Variants in EPHA6 observed in about 807,000 individuals in gnomAD.
EPHA6 encodes EPH receptor A6, also known as ephrin type-A receptor 6.
Under a neutral mutation model 112.0 loss-of-function variants are expected in EPHA6, and 50 were observed. That is an observed-to-expected ratio of 0.45 (90% CI 0.36 to 0.56). The LOEUF is 0.56. Among genes scored for constraint, EPHA6 ranks in the 20% least tolerant of loss-of-function variants. EPHA6 has a pLI of 0.00. For missense variants in EPHA6, 1,280 were observed against 1,417.4 expected (o/e 0.90, Z 1.56); for synonymous variants, 529 against 490.7 (o/e 1.08, Z -1.03).
chr3:97,277,088 A>G (rs770513890), intron 5 of EPHA6, among the ~76,000 whole-genome samples: 37 of 151,962 alleles, frequency 2.4e-4, no homozygotes, highest in Admixed American at 6.6e-5. Context: ...AGGAAGAAAG[A>G]CTCAGTGACG....
intron 7 of EPHA6, among the ~76,000 whole-genome samples, chr3:97,451,648 T>C (rs928214988): frequency 3.3e-5 from 5 of 151,292 alleles, no homozygotes; most frequent in Non-Finnish European, 7.4e-5. Flanking sequence ...GCCTGCTGTT[T>C]ATACCCAGGA....
At chr3:97,496,796 T>G (rs2091989472) in intron 10 of EPHA6, among the ~76,000 whole-genome samples, 2 of 151,592 alleles carry the variant, frequency 1.3e-5, no homozygotes, top group African/African-American at 2.4e-5. Context: ...ATTACCTAAG[T>G]GCATTGATGC....
intron 3 of EPHA6, among the ~76,000 whole-genome samples, chr3:97,051,229 A>G (rs2045676113): frequency 6.6e-6 from 1 of 152,196 alleles, no homozygotes; most frequent in Non-Finnish European, 1.5e-5. Flanking sequence ...CATCTTGTAA[A>G]CAACCACTGG....
At chr3:97,502,451 G>A (rs903760620) in intron 10 of EPHA6, among the ~76,000 whole-genome samples, 1 of 151,734 alleles carries the variant, frequency 6.6e-6, no homozygotes, top group African/African-American at 2.4e-5. Flanking sequence ...TTATACATGT[G>A]AGCCACCGTG....
intron 11 of EPHA6, among the ~76,000 whole-genome samples, chr3:97,566,602 T>G (rs1035711470): frequency 6.6e-6 from 1 of 152,164 alleles, no homozygotes; most frequent in Non-Finnish European, 1.5e-5. Context: ...GCTCTGTTAG[T>G]GAGAAATGTT....
At chr3:97,698,986 T>C (rs1267988613) in intron 14 of EPHA6, among the ~76,000 whole-genome samples, 1 of 152,206 alleles carries the variant, frequency 6.6e-6, no homozygotes, top group African/African-American at 2.4e-5. Flanking sequence ...GGCCCAGTGT[T>C]ACACAACCAG....
At chr3:97,436,257 A>C (rs1268638444) in intron 6 of EPHA6, among the ~76,000 whole-genome samples, 1 of 152,140 alleles carries the variant, frequency 6.6e-6, no homozygotes, top group African/African-American at 2.4e-5. Flanking sequence ...AGAATGTTAA[A>C]ATCTTTATTT....
chr3:97,290,691 A>G (rs1447939129), intron 5 of EPHA6, among the ~76,000 whole-genome samples: 1 of 151,786 alleles, frequency 6.6e-6, no homozygotes, highest in Non-Finnish European at 1.5e-5. Context: ...ACAGTCTTTG[A>G]TGATCTTTTG....
In EPHA6 at chr3:96,866,838, TACA is replaced by T. The variant is rs1354440379; in HGVS notation, c.405_407del (p.Thr136del). 2.0e-6 allele frequency: 3 copies of T among 1,481,166 alleles called. No individual in the cohort carries two copies. The highest frequency in any genetic ancestry group is 2.7e-6 in the Non-Finnish European group (3 of 1,112,908). The allele number at this position is 1,481,166 out of a possible 1,614,324, so 91.8% of individuals were successfully genotyped here. On this transcript the variant is annotated inframe_deletion, in exon 2 of 18. Coordinates refer to ENST00000389672, the MANE Select transcript of EPHA6 (RefSeq NM_001080448.3). Reference sequence around the variant, plus strand: ...ATTTAATTCCAGTTGTGTTGCTTGATACAACAACTGTACTGGGAGAGCTAGGAT... The same window carrying T: ...ATTTAATTCCAGTTGTGTTGCTTGATACAACTGTACTGGGAGAGCTAGGAT...
At chr3:97,014,716 G>C (rs796279210) in intron 3 of EPHA6, among the ~76,000 whole-genome samples, 4 of 152,140 alleles carry the variant, frequency 2.6e-5, no homozygotes, top group African/African-American at 9.7e-5. Flanking sequence ...AGCATTGCAC[G>C]TGGAATGTTT....
At chr3:97,608,834 GC>G (rs1399975185) in intron 12 of EPHA6, among the ~76,000 whole-genome samples, 1 of 151,294 alleles carries the variant, frequency 6.6e-6, no homozygotes, top group Non-Finnish European at 1.5e-5. Context: ...GAGACTTGGA[GC>G]TTTTATCTAT....
chr3:97,670,085 T>C (rs2030651767), intron 14 of EPHA6, among the ~76,000 whole-genome samples: 1 of 152,156 alleles, frequency 6.6e-6, no homozygotes, highest in Non-Finnish European at 1.5e-5. Flanking sequence ...ATTTCTTCTA[T>C]AGATAATGAA....
At chr3:97,129,533 C>A (rs9861192) in intron 3 of EPHA6, among the ~76,000 whole-genome samples, 16,441 of 150,404 alleles carry the variant, frequency 0.11, 1,271 homozygotes, top group African/African-American at 0.21. Flanking sequence ...AAAAAAACAA[C>A]AAAAAAAAGT....
chr3:97,607,050 A>T (rs1406803670), intron 12 of EPHA6, among the ~76,000 whole-genome samples: 2 of 150,960 alleles, frequency 1.3e-5, no homozygotes, highest in East Asian at 3.9e-4. Context: ...ATTTGTTTTG[A>T]TTCTTCATTT....
At chr3:97,441,151 G>A (rs2107278701) in intron 6 of EPHA6, among the ~76,000 whole-genome samples, 1 of 151,998 alleles carries the variant, frequency 6.6e-6, no homozygotes. Flanking sequence ...TCGTGAGATT[G>A]AAAAAGAAAA....
At chr3:96,904,229 T>C (rs1161532252) in intron 2 of EPHA6, among the ~76,000 whole-genome samples, 1 of 151,950 alleles carries the variant, frequency 6.6e-6, no homozygotes, top group East Asian at 1.9e-4. Context: ...AATGATAGAC[T>C]GGATTAAGAA....
intron 3 of EPHA6, among the ~76,000 whole-genome samples, chr3:97,171,918 G>C (rs2076713479): frequency 1.3e-5 from 2 of 152,088 alleles, no homozygotes; most frequent in South Asian, 4.2e-4. Flanking sequence ...GAACAATAAG[G>C]CTATACTATC....
At chr3:96,939,615 C>G (rs1317728699) in intron 2 of EPHA6, among the ~76,000 whole-genome samples, 1 of 152,118 alleles carries the variant, frequency 6.6e-6, no homozygotes, top group Non-Finnish European at 1.5e-5. Context: ...CAGTTCTGCT[C>G]TGATGTTAGT....
At chr3:97,423,621 T>G (rs75741628) in intron 6 of EPHA6, among the ~76,000 whole-genome samples, 18,754 of 152,118 alleles carry the variant, frequency 0.12, 3,701 homozygotes, top group African/African-American at 0.41. Flanking sequence ...AATCTACCTA[T>G]GACATTTTTT....
Sources: allele counts gnomAD v4.1 joint callset (sites outside exome capture counted in the v4.1 genomes callset), GRCh38; gene constraint gnomAD v4.1.1; transcripts MANE v1.5; gene names NCBI Gene and HGNC (gene_info 2026-07-23, HGNC 2026-07-21).